Variants in SH3RF3 observed in about 807,000 individuals in gnomAD.
SH3RF3 encodes E3 ubiquitin-protein ligase SH3RF3.
SH3RF3 carries 29 observed loss-of-function variants against 66.3 expected under a neutral mutation model. The observed-to-expected ratio is 0.44, with a 90% confidence interval of 0.33 to 0.60. The LOEUF (loss-of-function observed/expected upper bound fraction) is 0.60, where lower values mean the gene tolerates loss of function less well. SH3RF3 is among the 20% of genes least tolerant of loss of function. SH3RF3 has a pLI of 0.04. For synonymous variants in SH3RF3, 583 were observed against 532.0 expected (o/e 1.10, Z -1.32); for missense variants, 1,194 against 1,190.9 (o/e 1.00, Z -0.04).
intron 8 of SH3RF3, among the ~76,000 whole-genome samples, chr2:109,470,632 C>T (rs190997754): frequency 5.9e-5 from 9 of 152,346 alleles, no homozygotes; most frequent in African/African-American, 2.2e-4. Flanking sequence ...CCTGGACTGG[C>T]TCTGACAGTG....
At chr2:109,291,475 C>G (rs1461493453) in intron 1 of SH3RF3, among the ~76,000 whole-genome samples, 1 of 152,160 alleles carries the variant, frequency 6.6e-6, no homozygotes, top group Non-Finnish European at 1.5e-5. Flanking sequence ...GAGGACCGGG[C>G]TCAGGGCCAG....
At chr2:109,206,297 T>A (rs1678835693) in intron 1 of SH3RF3, among the ~76,000 whole-genome samples, 1 of 151,984 alleles carries the variant, frequency 6.6e-6, no homozygotes, top group East Asian at 1.9e-4. Flanking sequence ...GAGACCATCC[T>A]GGCTAACATG....
chr2:109,419,491 G>T, intron 4 of SH3RF3, 48 bp from the exon 5 acceptor site: 1 of 1,531,028 alleles, frequency 6.5e-7, no homozygotes. Flanking sequence ...CTTTCCCTTG[G>T]ATGGAGTCTC....
intron 5 of SH3RF3, among the ~76,000 whole-genome samples, 182 bp downstream of exon 5, chr2:109,419,824 C>T (rs1234790469): frequency 1.3e-5 from 2 of 152,350 alleles, no homozygotes; most frequent in East Asian, 3.9e-4. Context: ...CTAGCGGTTC[C>T]TTCTGATGTC....
chr2:109,173,435 C>T (rs1677836361), intron 1 of SH3RF3, among the ~76,000 whole-genome samples: 4 of 152,188 alleles, frequency 2.6e-5, no homozygotes, highest in Admixed American at 2.6e-4. Flanking sequence ...GGATAAATGA[C>T]ATAGTTCTTC....
chr2:109,380,424 A>G (rs920514821), intron 3 of SH3RF3, among the ~76,000 whole-genome samples: 9 of 152,082 alleles, frequency 5.9e-5, no homozygotes, highest in African/African-American at 9.7e-5. Flanking sequence ...CACCTGTGCA[A>G]TGTTATTGGG....
At chr2:109,362,411 T>C (rs889234281) in intron 2 of SH3RF3, among the ~76,000 whole-genome samples, 2 of 152,238 alleles carry the variant, frequency 1.3e-5, no homozygotes, top group Non-Finnish European at 2.9e-5. Flanking sequence ...TTTAATGCTA[T>C]TGTGGCCTGA....
At chr2:109,275,882 C>T (rs1225221128) in intron 1 of SH3RF3, among the ~76,000 whole-genome samples, 1 of 152,118 alleles carries the variant, frequency 6.6e-6, no homozygotes, top group East Asian at 1.9e-4. Flanking sequence ...TGAGTCCACT[C>T]TAGGTTTATG....
intron 1 of SH3RF3, among the ~76,000 whole-genome samples, chr2:109,149,083 C>T (rs918434848): frequency 1.3e-5 from 2 of 152,114 alleles, no homozygotes; most frequent in Admixed American, 6.5e-5. Context: ...TTGAGTGCCT[C>T]ATGCAGGCCA....
At chr2:109,449,608 T>C in intron 8 of SH3RF3, 119 bp downstream of exon 8, 1 of 1,264,778 alleles carries the variant, frequency 7.9e-7, no homozygotes, top group Non-Finnish European at 1.1e-6. Context: ...TCCAAGTGCC[T>C]GCCCCTAGAT....
chr2:109,255,596 T>C (rs144312916), intron 1 of SH3RF3, among the ~76,000 whole-genome samples: 1 of 152,354 alleles, frequency 6.6e-6, no homozygotes, highest in East Asian at 1.9e-4. Flanking sequence ...ATGAAAATGT[T>C]TTATGAGGTA....
At chr2:109,377,549 T>C (rs1402322718) in intron 3 of SH3RF3, among the ~76,000 whole-genome samples, 1 of 152,184 alleles carries the variant, frequency 6.6e-6, no homozygotes, top group African/African-American at 2.4e-5. Context: ...TGAATTAATA[T>C]GGTGTGGTGT....
At chr2:109,456,890 C>T (rs1678073336) in intron 8 of SH3RF3, among the ~76,000 whole-genome samples, 1 of 152,184 alleles carries the variant, frequency 6.6e-6, no homozygotes, top group South Asian at 2.1e-4. Flanking sequence ...AGGGCTCATG[C>T]CGCTGAGCCT....
In SH3RF3 at chr2:109,212,172, G is replaced by A. The variant is rs139490204; in HGVS notation, c.573+82059G>A. On this transcript the variant is annotated intron_variant, in intron 1 of 9. Transcript: ENST00000309415. ...CTGTGGTTTTGTTTGGCTTCTGGAT[G>A]ACTTGTCAGGGTACCAGCCACTGGT... Among the ~76,000 whole-genome samples, 78 of 152,278 alleles carry A rather than the reference G, an allele frequency of 5.1e-4. 2 individuals carry two copies. Among genetic ancestry groups the A allele is most frequent in the African/African-American group, 1.5e-3 (64 of 41,560 alleles).
At chr2:109,184,629 C>T (rs1017543874) in intron 1 of SH3RF3, among the ~76,000 whole-genome samples, 7 of 152,250 alleles carry the variant, frequency 4.6e-5, no homozygotes, top group South Asian at 4.1e-4. Flanking sequence ...ATGGGCTTCC[C>T]AGAGAGTGAG....
intron 2 of SH3RF3, among the ~76,000 whole-genome samples, chr2:109,350,718 C>T (rs931996737): frequency 7.9e-5 from 12 of 152,252 alleles, no homozygotes; most frequent in African/African-American, 2.9e-4. Flanking sequence ...AGCTGAGACG[C>T]ACACACTGGC....
chr2:109,233,591 C>T (rs891133903), intron 1 of SH3RF3, among the ~76,000 whole-genome samples: 8 of 152,194 alleles, frequency 5.3e-5, no homozygotes, highest in African/African-American at 1.9e-4. Flanking sequence ...GCCATGGTGT[C>T]CAGGCTTGAG....
At chr2:109,260,663 G>A (rs1359579564) in intron 1 of SH3RF3, among the ~76,000 whole-genome samples, 2 of 152,150 alleles carry the variant, frequency 1.3e-5, no homozygotes, top group Non-Finnish European at 2.9e-5. Context: ...AGGGCCAATG[G>A]AGGCCCATGG....
chr2:109,353,064 C>T (rs1682874248), intron 2 of SH3RF3, among the ~76,000 whole-genome samples: 1 of 152,264 alleles, frequency 6.6e-6, no homozygotes, highest in South Asian at 2.1e-4. Context: ...ATCCACCTCT[C>T]AAATCTGTGC....
Sources: gnomAD v4.1 joint callset for allele counts (sites outside exome capture counted in the v4.1 genomes callset) on GRCh38, gnomAD v4.1.1 for gene constraint, MANE v1.5 for transcripts, NCBI Gene and HGNC (gene_info 2026-07-23, HGNC 2026-07-21) for gene names.